Variants in GRID1 observed in about 807,000 individuals in gnomAD.
The protein encoded by GRID1 is glutamate ionotropic receptor delta type subunit 1.
Under a neutral mutation model 98.0 loss-of-function variants are expected in GRID1, and 28 were observed. That is an observed-to-expected ratio of 0.29 (90% CI 0.21 to 0.39). The LOEUF (loss-of-function observed/expected upper bound fraction) is 0.39, where lower values mean the gene tolerates loss of function less well. Among genes scored for constraint, GRID1 ranks in the 10% least tolerant of loss-of-function variants. The probability of loss-of-function intolerance (pLI) is 1.00; values close to 1 mark genes in which losing one functional copy is unlikely to be tolerated. For synonymous variants in GRID1, 553 were observed against 538.5 expected (o/e 1.03, Z -0.37); for missense variants, 1,111 against 1,340.5 (o/e 0.83, Z 2.67).
chr10:85,637,937 T>A (rs1250846616), intron 13 of GRID1, among the ~76,000 whole-genome samples: 1 of 152,156 alleles, frequency 6.6e-6, no homozygotes, highest in Non-Finnish European at 1.5e-5. Context: ...GGACTTCATA[T>A]TTTGAACTAG....
chr10:85,869,166 C>T lies in GRID1; in HGVS notation c.795G>A (p.Pro265=), dbSNP rs758170958. ...WVFVNEEISD[P]EILDLVHSAL... is the part of the protein sequence containing the mutation. ...CACTATGGACCAGATCCAGGATCTCCGGGTCACTGATTTCCTAGAAAAATA... is the reference window on the plus strand; with the variant it reads ...CACTATGGACCAGATCCAGGATCTCTGGGTCACTGATTTCCTAGAAAAATA... Residue 265 remains proline (P), a synonymous_variant, in exon 6 of 16, where the codon CCG becomes CCA. Transcript: ENST00000327946. 8.7e-6 allele frequency: 14 copies of T among 1,613,288 alleles called. No individual in the cohort carries two copies. The highest frequency in any genetic ancestry group is 2.7e-5 in the African/African-American group (2 of 74,882).
chr10:85,875,438 C>A (rs1433645368), intron 5 of GRID1, among the ~76,000 whole-genome samples: 1 of 152,044 alleles, frequency 6.6e-6, no homozygotes, highest in Non-Finnish European at 1.5e-5. Context: ...AGATATTTTA[C>A]ATCCATATTT....
At chr10:86,179,004 A>G (rs775700426) in intron 3 of GRID1, among the ~76,000 whole-genome samples, 20 of 152,016 alleles carry the variant, frequency 1.3e-4, no homozygotes, top group Non-Finnish European at 2.5e-4. Context: ...CTGGGACTGG[A>G]GCCATCCCAG....
intron 2 of GRID1, among the ~76,000 whole-genome samples, chr10:86,256,594 C>A (rs1259695877): frequency 2.0e-5 from 3 of 152,274 alleles, no homozygotes; most frequent in African/African-American, 7.2e-5. Flanking sequence ...AGGGATCTCT[C>A]TTTGTCTCTC....
At chr10:86,055,510 A>G (rs1843560513) in intron 4 of GRID1, among the ~76,000 whole-genome samples, 1 of 152,142 alleles carries the variant, frequency 6.6e-6, no homozygotes, top group Non-Finnish European at 1.5e-5. Context: ...TGGGAGGCTG[A>G]GGCAGGTGGA....
At position 86,154,533 on chromosome 10, in the gene GRID1, G is replaced by A. The variant is rs946850218; in HGVS notation, c.521-15509C>T. On this transcript the variant is annotated intron_variant, in intron 3 of 15. Transcript: ENST00000327946. ...TTCTTGACCAACCTCCATATCCAAG[G>A]GGGTCCATCCCAGCAGGAGCAGGTG... Among the ~76,000 whole-genome samples, 4 of 152,134 alleles carry A rather than the reference G, an allele frequency of 2.6e-5. No homozygotes were observed. In the East Asian group the frequency reaches 5.8e-4, roughly 22 times the overall value.
chr10:86,060,766 G>A (rs1009410233), intron 4 of GRID1, among the ~76,000 whole-genome samples: 5 of 152,150 alleles, frequency 3.3e-5, no homozygotes, highest in Non-Finnish European at 5.9e-5. Flanking sequence ...CCAGGCTCAA[G>A]ACTCCAGCCT....
chr10:85,771,516 A>G (rs1250580584), intron 8 of GRID1, among the ~76,000 whole-genome samples: 1 of 152,134 alleles, frequency 6.6e-6, no homozygotes, highest in Non-Finnish European at 1.5e-5. Flanking sequence ...CAATTAAAAG[A>G]CACAGACTGG....
At chr10:85,813,088 C>G (rs924784194) in intron 8 of GRID1, among the ~76,000 whole-genome samples, 2 of 151,738 alleles carry the variant, frequency 1.3e-5, no homozygotes, top group African/African-American at 4.8e-5. Context: ...ATCAGAGCCT[C>G]TAGGACTCTA....
intron 5 of GRID1, among the ~76,000 whole-genome samples, chr10:85,869,496 A>C (rs956162846): frequency 6.6e-6 from 1 of 152,240 alleles, no homozygotes; most frequent in Non-Finnish European, 1.5e-5. Context: ...GACATTAGCA[A>C]GACAGAAAGG....
chr10:85,600,069 A>G lies in GRID1; in HGVS notation c.*2204T>C, dbSNP rs2664405. The G allele has an allele frequency of 0.64, 97,441 of 151,432 alleles. 32,129 individuals are homozygous for G. Among genetic ancestry groups the G allele is most frequent in the African/African-American group, 0.8 (32,996 of 41,052 alleles). The allele number at this position is 151,432 out of a possible 1,614,324, so 9.4% of individuals were successfully genotyped here. On this transcript the variant is annotated 3_prime_UTR_variant, in exon 16 of 16. Coordinates refer to ENST00000327946, the MANE Select transcript of GRID1 (RefSeq NM_017551.3). ...CAGAAGACAGGCCATCTCAGGGGGCAATGAGGAAACAGAGTTGGTGTGAGA... is the reference window on the plus strand; with the variant it reads ...CAGAAGACAGGCCATCTCAGGGGGCGATGAGGAAACAGAGTTGGTGTGAGA...
At chr10:85,736,276 G>T (rs995854211) in intron 8 of GRID1, among the ~76,000 whole-genome samples, 4 of 150,148 alleles carry the variant, frequency 2.7e-5, no homozygotes, top group African/African-American at 9.8e-5. Flanking sequence ...GAGAAGGAGG[G>T]AGGAGGGGAG....
At chr10:86,324,324 G>A (rs1429806156) in intron 2 of GRID1, among the ~76,000 whole-genome samples, 3 of 152,166 alleles carry the variant, frequency 2.0e-5, no homozygotes, top group African/African-American at 4.8e-5. Flanking sequence ...CTGATTATAC[G>A]TTGAGAGACA....
intron 8 of GRID1, among the ~76,000 whole-genome samples, chr10:85,809,366 AAAGT>A (rs1370871525): frequency 1.3e-5 from 2 of 152,218 alleles, no homozygotes; most frequent in Non-Finnish European, 2.9e-5. Context: ...CAGTAGGATA[AAAGT>A]AATAAAAGCC....
intron 5 of GRID1, among the ~76,000 whole-genome samples, chr10:85,878,834 TAA>T (rs1335658945): frequency 2.6e-5 from 4 of 151,806 alleles, no homozygotes; most frequent in East Asian, 1.9e-4. Flanking sequence ...GCAAATTGGA[TAA>T]AGAGTCAAGA....
At chr10:86,128,847 T>C (rs76391167) in intron 4 of GRID1, among the ~76,000 whole-genome samples, 3,322 of 152,300 alleles carry the variant, frequency 0.022, 136 homozygotes, top group African/African-American at 0.075. Flanking sequence ...TCACTGGGCA[T>C]GTTCTGGGTA....
intron 2 of GRID1, among the ~76,000 whole-genome samples, chr10:86,270,455 C>G (rs985385871): frequency 6.6e-6 from 1 of 152,092 alleles, no homozygotes; most frequent in Admixed American, 6.6e-5. Flanking sequence ...TTTGGGAGAC[C>G]AAGGCGGGTG....
At chr10:86,068,394 T>A (rs968430181) in intron 4 of GRID1, among the ~76,000 whole-genome samples, 2 of 152,172 alleles carry the variant, frequency 1.3e-5, no homozygotes, top group Non-Finnish European at 2.9e-5. Flanking sequence ...GAGAGAAAAC[T>A]TCCCCCCACT....
intron 2 of GRID1, among the ~76,000 whole-genome samples, chr10:86,246,330 C>T (rs1846725809): frequency 6.6e-6 from 1 of 152,226 alleles, no homozygotes; most frequent in Non-Finnish European, 1.5e-5. Flanking sequence ...CCTGAGGGCC[C>T]TGTGTGGACA....
Sources: gnomAD v4.1 joint callset for allele counts (sites outside exome capture counted in the v4.1 genomes callset) on GRCh38, gnomAD v4.1.1 for gene constraint, MANE v1.5 for transcripts, NCBI Gene and HGNC (gene_info 2026-07-23, HGNC 2026-07-21) for gene names.